PLGRKT: variants seen among roughly 807,000 people sequenced by gnomAD.
PLGRKT encodes the protein plasminogen receptor (KT).
PLGRKT carries 22 observed loss-of-function variants against 18.5 expected under a neutral mutation model. The ratio of observed to expected loss-of-function variants is 1.19; its 90% CI spans 0.85 to 1.70. PLGRKT has a LOEUF of 1.70. PLGRKT is among the 40% of genes most tolerant of loss of function. PLGRKT has a pLI of 0.00. For synonymous variants in PLGRKT, 72 were observed against 52.8 expected, an observed-to-expected ratio of 1.36 and a Z score of -1.58; for missense variants, 235 against 174.4, an observed-to-expected ratio of 1.35 and a Z score of -1.96.
At chr9:5,390,429 T>C (rs1586720039) in intron 3 of PLGRKT, among the ~76,000 whole-genome samples, 2 of 151,356 alleles carry the variant, frequency 1.3e-5, no homozygotes, top group South Asian at 2.1e-4. Context: ...GCAGAGAGAG[T>C]CAAAGAGGCA....
intron 3 of PLGRKT, among the ~76,000 whole-genome samples, chr9:5,371,768 A>G (rs181751085): frequency 6.6e-6 from 1 of 152,154 alleles, no homozygotes; most frequent in African/African-American, 2.4e-5. Flanking sequence ...ATTGAGTAAA[A>G]ACAATAAGGG....
At chr9:5,430,981 T>C (rs187472015) in intron 3 of PLGRKT, among the ~76,000 whole-genome samples, 1 of 152,372 alleles carries the variant, frequency 6.6e-6, no homozygotes, top group Non-Finnish European at 1.5e-5. Flanking sequence ...TTCCTATTGC[T>C]GCAGTAACAA....
At chr9:5,403,236 T>G (rs942908295) in intron 3 of PLGRKT, among the ~76,000 whole-genome samples, 1 of 151,014 alleles carries the variant, frequency 6.6e-6, no homozygotes, top group African/African-American at 2.5e-5. Flanking sequence ...TTTTTTTTTT[T>G]TTTTGAGATG....
intron 1 of PLGRKT, chr9:5,437,504 AAT>A (rs150124086): frequency 9.2e-5 from 14 of 152,332 alleles, no homozygotes; most frequent in African/African-American, 3.4e-4. Flanking sequence ...TATTCCCCGC[AAT>A]AGTGTGCTGA....
At chr9:5,380,645 CTTTTAAA>C (rs1168278323) in intron 3 of PLGRKT, among the ~76,000 whole-genome samples, 3 of 152,148 alleles carry the variant, frequency 2.0e-5, no homozygotes, top group African/African-American at 7.2e-5. Context: ...ATATAATTCA[CTTTTAAA>C]TTTTATTTTA....
intron 4 of PLGRKT, 64 bp from the exon 5 acceptor site, chr9:5,361,251 C>G (rs1291121610): frequency 3.5e-6 from 3 of 867,618 alleles, no homozygotes; most frequent in Non-Finnish European, 5.5e-6. Context: ...TATCTGTATA[C>G]TTAAAGAAAA....
intron 3 of PLGRKT, chr9:5,392,461 A>C (rs1242942172): frequency 6.6e-6 from 1 of 152,002 alleles, no homozygotes; most frequent in Non-Finnish European, 1.5e-5. Flanking sequence ...CAAATTGCTT[A>C]AGGCTAACTC....
chr9:5,431,058 C>A (rs1201316301), intron 3 of PLGRKT, among the ~76,000 whole-genome samples: 1 of 152,102 alleles, frequency 6.6e-6, no homozygotes, highest in Admixed American at 6.6e-5. Context: ...TTCAGAAGTC[C>A]AAAATGGGCT....
intron 3 of PLGRKT, among the ~76,000 whole-genome samples, chr9:5,415,484 T>G (rs558597807): frequency 2.2e-4 from 34 of 152,262 alleles, no homozygotes; most frequent in African/African-American, 7.9e-4. Flanking sequence ...GGGCAAAAGT[T>G]CAAGAAGAAG....
intron 3 of PLGRKT, among the ~76,000 whole-genome samples, chr9:5,364,925 T>A (rs142651923): frequency 6.6e-6 from 1 of 152,178 alleles, no homozygotes; most frequent in Non-Finnish European, 1.5e-5. Flanking sequence ...TAGTGCTTGA[T>A]ACAGACATAG....
At position 5,412,853 on chromosome 9, in the gene PLGRKT, A is replaced by T. The variant is rs527728049; in HGVS notation, c.81+19044T>A. 8.1e-4 allele frequency among the ~76,000 whole-genome samples: 124 copies of T among 152,312 alleles called. 2 individuals carry two copies. The South Asian group carries it at 0.025, about 31-fold the overall frequency. On this transcript the variant is annotated intron_variant, in intron 3 of 5. Transcript: ENST00000223864. The stretch of plus-strand genomic sequence containing the variant: ...GACAATCTGAGATAAAATATTAGGA[A>T]GATATATCCATAGACAAGAGGCCAA...
At chr9:5,382,746 A>G (rs1313010677) in intron 3 of PLGRKT, among the ~76,000 whole-genome samples, 1 of 152,226 alleles carries the variant, frequency 6.6e-6, no homozygotes, top group Non-Finnish European at 1.5e-5. Flanking sequence ...GACTGAACAC[A>G]GGTAGACCCA....
chr9:5,361,864 T>A lies in PLGRKT; in HGVS notation c.106A>T (p.Ser36Cys), dbSNP rs1234821972. ...GCCATTTGTCTTTCCCTCATTTCAC[T>A]CTGCATGATGAGCTGCCTTTCCAGC... Reference protein sequence around the residue: ...LQLERQLIMQSEMRERQMAMQ... With the variant: ...LQLERQLIMQCEMRERQMAMQ... The change falls in exon 4 of 6, where the codon AGT becomes TGT. Residue 36 changes from serine to cysteine, a missense_variant. Coordinates refer to ENST00000223864, the MANE Select transcript of PLGRKT (RefSeq NM_018465.4). 5 of 1,613,016 alleles carry A rather than the reference T, an allele frequency of 3.1e-6. No individual in the cohort carries two copies. Among genetic ancestry groups the A allele is most frequent in the Non-Finnish European group, 4.2e-6 (5 of 1,179,522 alleles).
At chr9:5,435,371 C>T (rs949062237) in intron 2 of PLGRKT, among the ~76,000 whole-genome samples, 5 of 149,766 alleles carry the variant, frequency 3.3e-5, no homozygotes, top group African/African-American at 9.8e-5. Flanking sequence ...GGTCAGTAGA[C>T]CAGTTATTCT....
intron 3 of PLGRKT, among the ~76,000 whole-genome samples, chr9:5,406,575 G>A (rs1191629053): frequency 6.6e-6 from 1 of 151,980 alleles, no homozygotes; most frequent in Non-Finnish European, 1.5e-5. Context: ...CATGGAGACA[G>A]GGAGGGGAAC....
chr9:5,424,698 A>ACACAC (rs554487361), intron 3 of PLGRKT, among the ~76,000 whole-genome samples: 1,331 of 74,568 alleles, frequency 0.018, 39 homozygotes, highest in African/African-American at 0.045. Flanking sequence ...ATATACACAC[A>ACACAC]GGGGGGGGAG....
At chr9:5,367,030 T>TACAC (rs56259718) in intron 3 of PLGRKT, among the ~76,000 whole-genome samples, 5,768 of 112,192 alleles carry the variant, frequency 0.051, 131 homozygotes, top group South Asian at 0.068. Flanking sequence ...TACACACACA[T>TACAC]ACACACACAC....
chr9:5,427,837 G>T lies in PLGRKT; in HGVS notation c.81+4060C>A, dbSNP rs377576021. On this transcript the variant is annotated intron_variant, in intron 3 of 5. Coordinates refer to ENST00000223864, the MANE Select transcript of PLGRKT (RefSeq NM_018465.4). Reference sequence around the variant, plus strand: ...GCCCTGGTTGGCTGGGTTACAGGACGTGAGAAGATTCCCAGAGATCTGGTA... The same window carrying T: ...GCCCTGGTTGGCTGGGTTACAGGACTTGAGAAGATTCCCAGAGATCTGGTA... Among the ~76,000 whole-genome samples the T allele has an allele frequency of 7.3e-4, 111 of 152,352 alleles. 1 individual carries two copies. Among genetic ancestry groups the T allele is most frequent in the African/African-American group, 2.6e-3 (107 of 41,578 alleles).
At chr9:5,423,702 T>A (rs949517553) in intron 3 of PLGRKT, among the ~76,000 whole-genome samples, 2 of 151,536 alleles carry the variant, frequency 1.3e-5, no homozygotes, top group East Asian at 3.9e-4. Context: ...TCTTTTTTAT[T>A]ATTTTTCTTT....
Sources: gnomAD v4.1 joint callset for allele counts (sites outside exome capture counted in the v4.1 genomes callset) on GRCh38, gnomAD v4.1.1 for gene constraint, MANE v1.5 for transcripts, NCBI Gene and HGNC (gene_info 2026-07-23, HGNC 2026-07-21) for gene names.